CCDC192: variants seen among roughly 807,000 people sequenced by gnomAD.
CCDC192 encodes coiled-coil domain-containing protein 192.
chr5:127,884,485 T>C (rs372070409), intron 6 of CCDC192, among the ~76,000 whole-genome samples: 5 of 150,856 alleles, frequency 3.3e-5, no homozygotes, highest in African/African-American at 9.7e-5. Flanking sequence ...GTACTTGCAA[T>C]CAAGGAACAT....
intron 5 of CCDC192, among the ~76,000 whole-genome samples, chr5:127,846,631 G>A (rs1057072636): frequency 4.6e-5 from 7 of 151,648 alleles, no homozygotes; most frequent in Middle Eastern, 3.4e-3. Flanking sequence ...CACCACGCCC[G>A]GTTAATTTTT....
intron 6 of CCDC192, among the ~76,000 whole-genome samples, chr5:127,930,775 A>G (rs1383228035): frequency 6.6e-6 from 1 of 152,190 alleles, no homozygotes; most frequent in Non-Finnish European, 1.5e-5. Flanking sequence ...CTAATGGAGC[A>G]CTTTGTGCTA....
intron 2 of CCDC192, among the ~76,000 whole-genome samples, chr5:127,733,915 C>CTA (rs71575706): frequency 5.5e-4 from 80 of 144,806 alleles, no homozygotes; most frequent in East Asian, 5.2e-3. Context: ...CCTTCACTAA[C>CTA]TATATATATA....
intron 2 of CCDC192, among the ~76,000 whole-genome samples, chr5:127,731,822 G>A (rs925482870): frequency 1.3e-5 from 2 of 152,126 alleles, no homozygotes; most frequent in African/African-American, 2.4e-5. Flanking sequence ...AATTGAAACT[G>A]GTTGCCTTCC....
At chr5:127,923,496 G>C (rs1753784715) in intron 6 of CCDC192, among the ~76,000 whole-genome samples, 1 of 151,636 alleles carries the variant, frequency 6.6e-6, no homozygotes, top group Non-Finnish European at 1.5e-5. Flanking sequence ...TCCTGCCTCA[G>C]CCTCCCGAGT....
intron 2 of CCDC192, among the ~76,000 whole-genome samples, chr5:127,717,928 C>CAAAAAAAAAAAAAAAAAAAAAAAAAAAAA: frequency 1.2e-4 from 12 of 98,036 alleles, no homozygotes; most frequent in Middle Eastern, 5.0e-3. Flanking sequence ...TAAAGCTAGA[C>CAAAAAAAAAAAAAAAAAAAAAAAAAAAAA]AAAAAAAAAA....
intron 5 of CCDC192, chr5:127,857,804 G>A (rs1367447897): frequency 6.6e-6 from 1 of 152,108 alleles, no homozygotes; most frequent in Non-Finnish European, 1.5e-5. Flanking sequence ...TTCAGTCTTT[G>A]CTTCTAAGGC....
At chr5:127,719,534 C>CATAT (rs1158638020) in intron 2 of CCDC192, among the ~76,000 whole-genome samples, 763 of 42,224 alleles carry the variant, frequency 0.018, 16 homozygotes, top group Non-Finnish European at 0.024. Context: ...TACACACATA[C>CATAT]ATATATATAT....
Position 127,806,963 on chromosome 5 carries a change from T to A in CCDC192, c.411+8801T>A, listed in dbSNP as rs17606512. ...ATCCCTGCCAGAGAGGAAGACAGCA[T>A]TGGGGAGTGAGACACTGGGCTAGAC... is the stretch of plus-strand genomic sequence containing the variant. On this transcript the variant is annotated intron_variant, in intron 5 of 6. Transcript: ENST00000514853. 4.6e-3 allele frequency among the ~76,000 whole-genome samples: 703 copies of A among 152,282 alleles called. 1 individual carries two copies. The highest frequency in any genetic ancestry group is 0.016 in the African/African-American group (684 of 41,562).
At chr5:127,877,867 C>T (rs952251682) in intron 6 of CCDC192, among the ~76,000 whole-genome samples, 1 of 152,124 alleles carries the variant, frequency 6.6e-6, no homozygotes, top group Non-Finnish European at 1.5e-5. Flanking sequence ...GGTTCTCAGA[C>T]CTCTGTTTGC....
chr5:127,884,960 A>T (rs1232729632), intron 6 of CCDC192, among the ~76,000 whole-genome samples: 2 of 152,148 alleles, frequency 1.3e-5, no homozygotes, highest in East Asian at 3.9e-4. Context: ...GTTGGGGTCC[A>T]GTGTTTTCTA....
At chr5:127,774,975 G>T (rs1043733676) in intron 3 of CCDC192, among the ~76,000 whole-genome samples, 6 of 151,788 alleles carry the variant, frequency 4.0e-5, no homozygotes, top group African/African-American at 7.3e-5. Flanking sequence ...CCCTTCCTTG[G>T]TTAAATTTAT....
At chr5:127,750,564 G>A (rs1263292986) in intron 2 of CCDC192, among the ~76,000 whole-genome samples, 1 of 150,650 alleles carries the variant, frequency 6.6e-6, no homozygotes, top group East Asian at 1.9e-4. Flanking sequence ...TAGGTGTGGT[G>A]TGGTGCTGAA....
chr5:127,823,779 C>T (rs1471705078), intron 5 of CCDC192, among the ~76,000 whole-genome samples: 2 of 152,178 alleles, frequency 1.3e-5, no homozygotes, highest in African/African-American at 4.8e-5. Flanking sequence ...TTCCTTAGTG[C>T]CTCTCTACAA....
chr5:127,812,707 G>C (rs990815186), intron 5 of CCDC192, among the ~76,000 whole-genome samples: 2 of 152,200 alleles, frequency 1.3e-5, no homozygotes, highest in Non-Finnish European at 2.9e-5. Flanking sequence ...GCCAAAGGAG[G>C]AATTAGTACG....
intron 5 of CCDC192, among the ~76,000 whole-genome samples, chr5:127,871,100 C>T (rs1302261840): frequency 1.3e-5 from 2 of 152,186 alleles, no homozygotes; most frequent in Non-Finnish European, 2.9e-5. Context: ...CCGTGAGGAG[C>T]AAGAGGCAGT....
In CCDC192 at chr5:127,923,385, T is replaced by C. The variant is rs953076155; in HGVS notation, c.536-17797T>C. Reference sequence around the variant, plus strand: ...TGCTAATTTTCATTAGTCTTTTTTTTTTTTTTTCTTGAGACAGAGTCTCAC... The same window carrying C: ...TGCTAATTTTCATTAGTCTTTTTTTCTTTTTTTCTTGAGACAGAGTCTCAC... On this transcript the variant is annotated intron_variant, in intron 6 of 6. Coordinates refer to ENST00000514853, the MANE Select transcript of CCDC192 (RefSeq NM_001317938.2). Among the ~76,000 whole-genome samples the C allele has an allele frequency of 3.3e-5, 5 of 151,726 alleles. No individual in the cohort carries two copies. In the East Asian group the frequency reaches 9.7e-4, roughly 29 times the overall value.
chr5:127,845,404 C>T (rs1052462102), intron 5 of CCDC192, among the ~76,000 whole-genome samples: 6 of 152,096 alleles, frequency 3.9e-5, no homozygotes, highest in Admixed American at 3.3e-4. Context: ...AAGTCTTAAG[C>T]ATATTTATAG....
chr5:127,806,360 C>T (rs1364944742), intron 5 of CCDC192, among the ~76,000 whole-genome samples: 5 of 152,046 alleles, frequency 3.3e-5, no homozygotes, highest in African/African-American at 1.2e-4. Flanking sequence ...TTTCTATAGA[C>T]GATGAATAAG....
Sources: gnomAD v4.1 joint callset for allele counts (sites outside exome capture counted in the v4.1 genomes callset) on GRCh38, gnomAD v4.1.1 for gene constraint, MANE v1.5 for transcripts, NCBI Gene and HGNC (gene_info 2026-07-23, HGNC 2026-07-21) for gene names.